The following FER variants were observed in gnomAD, a reference collection of about 807,000 sequenced individuals.
FER encodes tyrosine-protein kinase Fer.
In FER, 63 loss-of-function variants were observed where a neutral mutation model predicts 111.0. That is an observed-to-expected ratio of 0.57 (90% CI 0.46 to 0.70). The LOEUF is 0.70. Among genes scored for constraint, FER ranks in the 30% least tolerant of loss-of-function variants. FER has a pLI of 0.00. For missense variants in FER, 914 were observed against 954.0 expected (o/e 0.96, Z 0.55); for synonymous variants, 327 against 313.9 (o/e 1.04, Z -0.44).
At position 108,807,194 on chromosome 5, in the gene FER, T is replaced by C. The variant is rs1281556772; in HGVS notation, c.207+8805T>C. On this transcript the variant is annotated intron_variant, in intron 3 of 19. Transcript: ENST00000281092. ...TTGCCGCCATCCATGTAAGATGTGA[T>C]TTGCTTCTCCTTGCCCTCCACTATG... Among the ~76,000 whole-genome samples the C allele has an allele frequency of 2.6e-5, 4 of 152,154 alleles. No homozygotes were observed. In the East Asian group the frequency reaches 7.7e-4, roughly 29 times the overall value.
chr5:108,890,789 A>G (rs1177566416), intron 9 of FER, among the ~76,000 whole-genome samples: 1 of 152,056 alleles, frequency 6.6e-6, no homozygotes, highest in Non-Finnish European at 1.5e-5. Context: ...TTGTCTAATC[A>G]TTCACCCTTT....
chr5:108,920,962 C>T (rs1752942256), intron 10 of FER, among the ~76,000 whole-genome samples: 1 of 152,064 alleles, frequency 6.6e-6, no homozygotes, highest in South Asian at 2.1e-4. Flanking sequence ...GTCTTACTGT[C>T]CTTTGGGTAC....
intron 4 of FER, among the ~76,000 whole-genome samples, chr5:108,834,127 T>A (rs964494083): frequency 6.6e-6 from 1 of 152,178 alleles, no homozygotes; most frequent in Admixed American, 6.5e-5. Context: ...GGTAATTTGC[T>A]CTATATAATT....
intron 13 of FER, among the ~76,000 whole-genome samples, chr5:108,998,032 G>A (rs1374996787): frequency 6.6e-6 from 1 of 151,986 alleles, no homozygotes; most frequent in Non-Finnish European, 1.5e-5. Context: ...TGTGCTGGCA[G>A]TGAGAATTTT....
At chr5:109,099,231 T>C (rs991633503) in intron 16 of FER, among the ~76,000 whole-genome samples, 3 of 151,530 alleles carry the variant, frequency 2.0e-5, no homozygotes, top group Non-Finnish European at 4.4e-5. Context: ...AGCCAAAGCT[T>C]TGAATGTTAA....
chr5:108,824,107 CT>C (rs1759188920), intron 3 of FER, among the ~76,000 whole-genome samples: 1 of 151,972 alleles, frequency 6.6e-6, no homozygotes, highest in Non-Finnish European at 1.5e-5. Flanking sequence ...GTTTATTTTT[CT>C]GTGCTCCCTC....
intron 3 of FER, among the ~76,000 whole-genome samples, chr5:108,824,224 G>C (rs1252656655): frequency 1.3e-5 from 2 of 151,954 alleles, no homozygotes; most frequent in Non-Finnish European, 2.9e-5. Context: ...GATGCCTCCA[G>C]CTTTATTCTT....
At chr5:108,803,395 A>T (rs954018755) in intron 3 of FER, among the ~76,000 whole-genome samples, 7 of 152,078 alleles carry the variant, frequency 4.6e-5, no homozygotes, top group African/African-American at 1.4e-4. Flanking sequence ...TTTAGTCATA[A>T]ATTTCTTCCC....
chr5:108,918,689 G>C (rs1281024337), intron 10 of FER, among the ~76,000 whole-genome samples: 2 of 151,826 alleles, frequency 1.3e-5, no homozygotes, highest in Non-Finnish European at 2.9e-5. Context: ...GGGTTTCACT[G>C]TGTTAGCCAG....
chr5:109,082,501 A>G (rs938282963), intron 16 of FER, among the ~76,000 whole-genome samples: 3 of 152,046 alleles, frequency 2.0e-5, no homozygotes, highest in Non-Finnish European at 2.9e-5. Context: ...GGGAAAGTCA[A>G]TTAATACTTA....
intron 13 of FER, among the ~76,000 whole-genome samples, chr5:109,003,168 G>A (rs1340076390): frequency 6.6e-5 from 10 of 151,974 alleles, no homozygotes; most frequent in African/African-American, 2.2e-4. Context: ...ACATGCACAC[G>A]TATGTTTATT....
rs747854537 is a variant in FER, at chr5:109,044,763, G to T, written c.1797G>T (p.Gln599His). The T allele has an allele frequency of 7.6e-6, 12 of 1,576,828 alleles. No individual in the cohort carries two copies. Among genetic ancestry groups the T allele is most frequent in the Non-Finnish European group, 1.0e-5 (12 of 1,164,422 alleles). Reference protein sequence around the residue: ...AVKTCKEDLPQELKIKFLQEA... With the variant: ...AVKTCKEDLPHELKIKFLQEA... ...AAACATGTAAAGAAGATCTTCCTCAGGAATTGAAAATAAAATTTTTACAAG... is the reference window on the plus strand; with the variant it reads ...AAACATGTAAAGAAGATCTTCCTCATGAATTGAAAATAAAATTTTTACAAG... Residue 599 changes from glutamine (Q) to histidine (H), a missense_variant, in exon 15 of 20, where the codon CAG becomes CAT. Gln to His is a conservative substitution (Grantham distance 24). Coordinates refer to ENST00000281092, the MANE Select transcript of FER (RefSeq NM_005246.4).
chr5:108,911,778 A>G (rs1442457329), intron 10 of FER, among the ~76,000 whole-genome samples: 2 of 152,122 alleles, frequency 1.3e-5, no homozygotes, highest in Non-Finnish European at 2.9e-5. Flanking sequence ...GGTTGTAGGT[A>G]GATGGCTTTA....
intron 16 of FER, among the ~76,000 whole-genome samples, chr5:109,078,880 G>A (rs1309296528): frequency 2.0e-5 from 3 of 152,102 alleles, no homozygotes; most frequent in South Asian, 4.1e-4. Context: ...TAGTAATTGG[G>A]TTTTAATATA....
Position 109,194,905 on chromosome 5 carries a change from G to A in FER, c.*7330G>A, listed in dbSNP as rs1448012493. 1 of 152,022 alleles carries A rather than the reference G, an allele frequency of 6.6e-6. No homozygotes were observed. Among genetic ancestry groups the A allele is most frequent in the Non-Finnish European group, 1.5e-5 (1 of 68,002 alleles). The allele number at this position is 152,022 out of a possible 1,614,324, so 9.4% of individuals were successfully genotyped here. ...ACAAAAAACTAAATGCCCCCCATTT[G>A]GGGACGGGGGGAGGGGTTCAGACCT... is the stretch of plus-strand genomic sequence containing the variant. On this transcript the variant is annotated 3_prime_UTR_variant, in exon 20 of 20. Coordinates refer to ENST00000281092, the MANE Select transcript of FER (RefSeq NM_005246.4).
chr5:109,162,535 G>A (rs1756102397), intron 17 of FER, among the ~76,000 whole-genome samples: 1 of 152,000 alleles, frequency 6.6e-6, no homozygotes, highest in Admixed American at 6.6e-5. Context: ...CCACAAGGGT[G>A]CTGGTCTTAT....
intron 17 of FER, among the ~76,000 whole-genome samples, chr5:109,146,905 C>T (rs1200514186): frequency 1.3e-5 from 2 of 151,726 alleles, no homozygotes; most frequent in African/African-American, 4.8e-5. Flanking sequence ...AGAGAAGAGC[C>T]TTAGAAATCT....
chr5:108,871,251 C>T, intron 6 of FER, 114 bp from the exon 7 acceptor site: 1 of 782,392 alleles, frequency 1.3e-6, no homozygotes. Context: ...AGGAAACAAC[C>T]ATCTGTACAT....
At chr5:108,789,626 T>A (rs566405797) in intron 2 of FER, among the ~76,000 whole-genome samples, 32 of 151,868 alleles carry the variant, frequency 2.1e-4, no homozygotes, top group African/African-American at 7.0e-4. Context: ...TTTTTTTTTT[T>A]AAAAGACAGT....
Sources: allele counts gnomAD v4.1 joint callset (sites outside exome capture counted in the v4.1 genomes callset), GRCh38; gene constraint gnomAD v4.1.1; transcripts MANE v1.5; gene names NCBI Gene and HGNC (gene_info 2026-07-23, HGNC 2026-07-21).